The following GAK variants were observed in gnomAD, a reference collection of about 807,000 sequenced individuals.
GAK encodes the protein cyclin G associated kinase, also known as cyclin-G-associated kinase.
In GAK, 79 loss-of-function variants were observed where a neutral mutation model predicts 143.9. The ratio of observed to expected loss-of-function variants is 0.55; its 90% CI spans 0.46 to 0.66. The LOEUF (loss-of-function observed/expected upper bound fraction) is 0.66, where lower values mean the gene tolerates loss of function less well. GAK is among the 30% of genes least tolerant of loss of function. The pLI, the probability that GAK is intolerant of heterozygous loss-of-function variation, is 0.00. For synonymous variants in GAK, 881 were observed against 765.5 expected, an observed-to-expected ratio of 1.15 and a Z score of -2.49; for missense variants, 1,693 against 1,779.7, an observed-to-expected ratio of 0.95 and a Z score of 0.88.
chr4:891,555 T>A (rs1466939266), intron 9 of GAK, among the ~76,000 whole-genome samples: 2 of 152,048 alleles, frequency 1.3e-5, no homozygotes, highest in African/African-American at 4.8e-5. Flanking sequence ...CTAACGTCTG[T>A]CCCCACGGGG....
chr4:867,003 G>A lies in GAK; in HGVS notation c.2825C>T (p.Pro942Leu), dbSNP rs1751312338. Residue 942 changes from proline (P) to leucine (L), a missense_variant, in exon 21 of 28, where the codon CCT becomes CTT. Around this residue, in one of 2 missense-constraint regions of GAK, gnomAD observed 822 missense variants for 788.7 expected, o/e 1.04. Transcript: ENST00000314167. Reference protein sequence around the residue: ...EDPLLLASPAPPLSVQSTPRG... With the variant: ...EDPLLLASPALPLSVQSTPRG... Reference sequence around the variant, plus strand: ...TGGGGTGCTCTGCACGCTCAGGGGAGGGGCCGGGCTTGCCAGGAGCAGCGG... The same window carrying A: ...TGGGGTGCTCTGCACGCTCAGGGGAAGGGCCGGGCTTGCCAGGAGCAGCGG... 6.7e-7 allele frequency: 1 copy of A among 1,499,280 alleles called. No individual in the cohort carries two copies. The highest frequency in any genetic ancestry group is 8.9e-7 in the Non-Finnish European group (1 of 1,124,710). The allele number at this position is 1,499,280 out of a possible 1,614,324, so 92.9% of individuals were successfully genotyped here.
At chr4:886,644 A>G (rs1169304341) in intron 11 of GAK, 5 of 152,338 alleles carry the variant, frequency 3.3e-5, no homozygotes, top group Middle Eastern at 6.8e-3. Context: ...CTCTGATCCC[A>G]ACATCACTCT....
intron 11 of GAK, among the ~76,000 whole-genome samples, chr4:885,080 T>G (rs1716018151): frequency 6.6e-6 from 1 of 151,778 alleles, no homozygotes; most frequent in South Asian, 2.1e-4. Context: ...TGACTCAGGA[T>G]GCGGGTCTTC....
Position 896,567 on chromosome 4 carries a change from T to C in GAK, c.652-18A>G. 1 of 1,587,112 alleles carries C rather than the reference T, an allele frequency of 6.3e-7. No individual in the cohort carries two copies. The highest frequency in any genetic ancestry group is 8.7e-7 in the Non-Finnish European group (1 of 1,155,538). ...CTCGTGATCTGAAAAAATACAAACA[T>C]TTCAAAGGAAAAGTTGCATCCCACA... On this transcript the variant is annotated intron_variant, in intron 6 of 27. Coordinates refer to ENST00000314167, the MANE Select transcript of GAK (RefSeq NM_005255.4).
At chr4:862,250 C>G (rs1456486947) in intron 23 of GAK, among the ~76,000 whole-genome samples, 2 of 151,766 alleles carry the variant, frequency 1.3e-5, no homozygotes, top group Admixed American at 6.6e-5. Flanking sequence ...CCGCCAGACT[C>G]TCCATGCAGA....
intron 15 of GAK, among the ~76,000 whole-genome samples, chr4:878,515 T>C (rs565213419): frequency 3.7e-4 from 56 of 152,252 alleles, no homozygotes; most frequent in Non-Finnish European, 7.8e-4. Context: ...TTTTCTATTG[T>C]TGGGTGGAAC....
At chr4:902,004 A>G (rs1329825546) in intron 5 of GAK, among the ~76,000 whole-genome samples, 1 of 152,186 alleles carries the variant, frequency 6.6e-6, no homozygotes, top group Non-Finnish European at 1.5e-5. Flanking sequence ...GTGGGAGGCC[A>G]AGGCGGGAGG....
intron 24 of GAK, among the ~76,000 whole-genome samples, chr4:859,050 CA>C (rs1462447673): frequency 1.3e-5 from 2 of 152,360 alleles, no homozygotes; most frequent in Non-Finnish European, 2.9e-5. Context: ...ACAGGGACCC[CA>C]GGGGGATGCA....
At chr4:930,943 G>A (rs974829145) in intron 1 of GAK, among the ~76,000 whole-genome samples, 3 of 152,192 alleles carry the variant, frequency 2.0e-5, no homozygotes, top group African/African-American at 7.2e-5. Context: ...AGCCCTGAGA[G>A]GTACCAGGGA....
At position 849,586 on chromosome 4, in the gene GAK, G is replaced by A. The variant is rs191071523; in HGVS notation, c.*87C>T. On this transcript the variant is annotated 3_prime_UTR_variant, in exon 28 of 28. Coordinates refer to ENST00000314167, the MANE Select transcript of GAK (RefSeq NM_005255.4). ...CCCCACCCTGGCCACACCTGCTGTCGCCCACGGGGTCCTCACGGTGGGGAC... is the reference window on the plus strand; with the variant it reads ...CCCCACCCTGGCCACACCTGCTGTCACCCACGGGGTCCTCACGGTGGGGAC... 128 of 1,045,328 alleles carry A rather than the reference G, an allele frequency of 1.2e-4. No individual in the cohort carries two copies. Among genetic ancestry groups the A allele is most frequent in the East Asian group, 4.9e-4 (19 of 38,464 alleles). The allele number at this position is 1,045,328 out of a possible 1,614,324, so 64.8% of individuals were successfully genotyped here.
chr4:903,945 A>G (rs947157095), intron 5 of GAK, among the ~76,000 whole-genome samples: 1 of 152,244 alleles, frequency 6.6e-6, no homozygotes, highest in Non-Finnish European at 1.5e-5. Flanking sequence ...GGCCTGTGAG[A>G]CAGATGCTAA....
intron 9 of GAK, among the ~76,000 whole-genome samples, chr4:891,408 C>T (rs1222956818): frequency 6.6e-6 from 1 of 152,112 alleles, no homozygotes; most frequent in African/African-American, 2.4e-5. Context: ...CAGGATGTTC[C>T]ATCACTTCAG....
intron 5 of GAK, among the ~76,000 whole-genome samples, chr4:903,713 GGGC>G (rs1254911176): frequency 8.9e-5 from 13 of 146,684 alleles, no homozygotes; most frequent in Admixed American, 2.0e-4. Flanking sequence ...GGCGGTGGGG[GGGC>G]GGCCGAGGAA....
chr4:896,430 G>A, intron 7 of GAK, 30 bp downstream of exon 7: 1 of 1,587,058 alleles, frequency 6.3e-7, no homozygotes, highest in Non-Finnish European at 8.6e-7. Context: ...ACGGAGCCAG[G>A]CACTGCCACT....
chr4:890,224 C>T (rs886189732), intron 10 of GAK, among the ~76,000 whole-genome samples: 2 of 152,196 alleles, frequency 1.3e-5, no homozygotes, highest in South Asian at 2.1e-4. Context: ...AACCCCTGAG[C>T]GAGGCCGCCT....
chr4:922,064 C>G (rs539404732), intron 1 of GAK, among the ~76,000 whole-genome samples: 1 of 152,254 alleles, frequency 6.6e-6, no homozygotes, highest in East Asian at 1.9e-4. Context: ...TGTGTGCCCC[C>G]AAAATGCATC....
intron 19 of GAK, 23 bp from the exon 20 acceptor site, chr4:868,708 G>C (rs1711608230): frequency 2.6e-6 from 4 of 1,544,620 alleles, no homozygotes; most frequent in Non-Finnish European, 3.5e-6. Context: ...GAGGGCGTCA[G>C]GGCACTGGCA....
Position 849,961 on chromosome 4 carries a change from G to C in GAK, c.3765C>G (p.Ala1255=). 2 of 1,611,792 alleles carry C rather than the reference G, an allele frequency of 1.2e-6. No individual in the cohort carries two copies. The highest frequency in any genetic ancestry group is 1.7e-6 in the Non-Finnish European group (2 of 1,179,404). The change falls in exon 27 of 28, where the codon GCC becomes GCG. Residue 1255 remains alanine, a synonymous_variant. Coordinates refer to ENST00000314167, the MANE Select transcript of GAK (RefSeq NM_005255.4). ...GESRWTPVGM[A]DLVAPEQVKK... The stretch of plus-strand genomic sequence containing the variant: ...TCACTTGCTCCGGAGCCACCAGGTC[G>C]GCCATGCCCACGGGCGTCCAGCGGC...
rs1384345887 is a variant in GAK, at chr4:868,560, G to A, written c.2374C>T (p.Leu792=). 1.9e-6 allele frequency: 3 copies of A among 1,607,986 alleles called. No homozygotes were observed. The highest frequency in any genetic ancestry group is 2.5e-6 in the Non-Finnish European group (3 of 1,178,264). Residue 792 remains leucine (L), a synonymous_variant, in exon 20 of 28, where the codon CTG becomes TTG. Coordinates refer to ENST00000314167, the MANE Select transcript of GAK (RefSeq NM_005255.4). ...CTACCCTGCCAGTCCAGCGTGTGCA[G>A]GAAGCGACTGGCGTCCGCGCTGCTG... ...PSSSADASRF[L]HTLDWQEEKE... is the part of the protein sequence containing the mutation.
Sources: allele counts gnomAD v4.1 joint callset (sites outside exome capture counted in the v4.1 genomes callset), GRCh38; gene constraint gnomAD v4.1.1; regional missense constraint gnomAD v4.1.1; transcripts MANE v1.5; gene names NCBI Gene and HGNC (gene_info 2026-07-23, HGNC 2026-07-21).